PCDHGA1: variants seen among roughly 807,000 people sequenced by gnomAD.
The protein encoded by PCDHGA1 is protocadherin gamma subfamily A, 1, also known as protocadherin gamma-A1.
Under a neutral mutation model 58.0 loss-of-function variants are expected in PCDHGA1, and 32 were observed. That is an observed-to-expected ratio of 0.55 (90% CI 0.42 to 0.74). The LOEUF is 0.74. Among genes scored for constraint, PCDHGA1 ranks in the 30% least tolerant of loss-of-function variants. The probability of loss-of-function intolerance (pLI) is 0.00; values close to 1 mark genes in which losing one functional copy is unlikely to be tolerated. For missense variants in PCDHGA1, 1,205 were observed against 1,182.3 expected, an observed-to-expected ratio of 1.02 and a Z score of -0.28; for synonymous variants, 498 against 501.1, an observed-to-expected ratio of 0.99 and a Z score of 0.08.
chr5:141,485,174 A>G lies in PCDHGA1; in HGVS notation c.2422-9633A>G. 6.2e-7 allele frequency: 1 copy of G among 1,611,406 alleles called. No individual in the cohort carries two copies. The highest frequency in any genetic ancestry group is 8.5e-7 in the Non-Finnish European group (1 of 1,177,898). ...AGTAGAGAATTAGCGGGCGGCAGCA[A>G]TGCTCCGCAAGGTGAGAAGCTGGAC... On this transcript the variant is annotated intron_variant, in intron 1 of 3. Coordinates refer to ENST00000517417, the MANE Select transcript of PCDHGA1 (RefSeq NM_018912.3). The surrounding 1 kb of genome is among the most constrained non-coding windows in gnomAD (Gnocchi z 5.7).
At chr5:141,435,863 C>T (rs772361494) in intron 1 of PCDHGA1, among the ~76,000 whole-genome samples, 16 of 151,882 alleles carry the variant, frequency 1.1e-4, no homozygotes, top group Non-Finnish European at 2.2e-4. Context: ...TAGTTAAAAC[C>T]CAGAAAAGAG....
In PCDHGA1 at chr5:141,344,842, A is replaced by T. The variant is rs374930254; in HGVS notation, c.2421+11737A>T. The T allele has an allele frequency of 2.5e-6, 4 of 1,613,814 alleles. No homozygotes were observed. The African/African-American group carries it at 5.3e-5, about 22-fold the overall frequency. ...CTCACGGTGAATGCCACTGACCCTG[A>T]CGAGGGATTCAATGCTCAAGTGTCT... On this transcript the variant is annotated intron_variant, in intron 1 of 3. Transcript: ENST00000517417.
At chr5:141,412,434 A>C (rs2095556498) in intron 1 of PCDHGA1, 1 of 152,240 alleles carries the variant, frequency 6.6e-6, no homozygotes, top group Admixed American at 6.5e-5. Flanking sequence ...CAAAAAGGTT[A>C]ATTAAGGCTC....
At chr5:141,389,823 G>C in intron 1 of PCDHGA1, 11 of 1,613,944 alleles carry the variant, frequency 6.8e-6, no homozygotes, top group Non-Finnish European at 6.8e-6. Flanking sequence ...CGTGCGTGAC[G>C]GTGGACAGCC....
chr5:141,400,369 T>C (rs2150855153), intron 1 of PCDHGA1: 2 of 1,614,078 alleles, frequency 1.2e-6, no homozygotes, highest in Admixed American at 3.3e-5. Context: ...GCCTTATTCC[T>C]ACAACCTATG....
intron 1 of PCDHGA1, chr5:141,399,419 G>T (rs778389329): frequency 6.2e-7 from 1 of 1,614,000 alleles, no homozygotes; most frequent in Admixed American, 1.7e-5. Context: ...CTCTCCTCCA[G>T]CATAAGCGTC....
At chr5:141,414,313 T>C in intron 1 of PCDHGA1, 1 of 1,613,748 alleles carries the variant, frequency 6.2e-7, no homozygotes, top group Non-Finnish European at 8.5e-7. Context: ...TGATTTAGAC[T>C]CTGAGCAGAA....
chr5:141,388,958 C>G, intron 1 of PCDHGA1: 1 of 1,613,930 alleles, frequency 6.2e-7, no homozygotes, highest in Non-Finnish European at 8.5e-7. Context: ...TGGAGGACGC[C>G]GAGCTGGGAA....
At chr5:141,383,416 A>G in intron 1 of PCDHGA1, 1 of 1,613,856 alleles carries the variant, frequency 6.2e-7, no homozygotes, top group Non-Finnish European at 8.5e-7. Flanking sequence ...TTACCAGCTC[A>G]GCCCCAATCG....
intron 1 of PCDHGA1, chr5:141,413,001 G>A (rs2095597089): frequency 1.7e-6 from 1 of 592,790 alleles, no homozygotes; most frequent in Non-Finnish European, 2.8e-6. Flanking sequence ...CGGATTCTCA[G>A]GGCTTCAACT....
intron 1 of PCDHGA1, chr5:141,420,309 A>G (rs1263620304): frequency 2.7e-6 from 4 of 1,460,536 alleles, no homozygotes; most frequent in Non-Finnish European, 3.7e-6. Context: ...TCCTTTTTAT[A>G]TTACAATATG....
chr5:141,477,569 G>A lies in PCDHGA1; in HGVS notation c.2422-17238G>A. The A allele has an allele frequency of 6.2e-7, 1 of 1,614,104 alleles. No homozygotes were observed. Among genetic ancestry groups the A allele is most frequent in the Non-Finnish European group, 8.5e-7 (1 of 1,180,024 alleles). On this transcript the variant is annotated intron_variant, in intron 1 of 3. Coordinates refer to ENST00000517417, the MANE Select transcript of PCDHGA1 (RefSeq NM_018912.3). This position sits in a 1 kb window ranked among gnomAD's most constrained non-coding sequence, Gnocchi z 4.9. ...ACTAAACCTAAGTGTCTGGGACCCC[G>A]ACGCCCCGCAGAATGCTCGGCTTTC...
Position 141,428,007 on chromosome 5 carries a change from A to T in PCDHGA1, c.2422-66800A>T, listed in dbSNP as rs770851074. 9.4e-6 allele frequency: 15 copies of T among 1,602,018 alleles called. No individual in the cohort carries two copies. In the African/African-American group the frequency reaches 1.5e-4, roughly 16 times the overall value. ...GCCCGATGGCTCCGCACTCTTCGAT[A>T]TAGTGCCACGCGCCGCAGAGTCCGG... On this transcript the variant is annotated intron_variant, in intron 1 of 3. Coordinates refer to ENST00000517417, the MANE Select transcript of PCDHGA1 (RefSeq NM_018912.3).
chr5:141,341,071 C>G (rs1463478651), intron 1 of PCDHGA1: 1 of 1,614,178 alleles, frequency 6.2e-7, no homozygotes, highest in Non-Finnish European at 8.5e-7. Context: ...TGGCCGCGGT[C>G]TCCTGCGTCT....
At chr5:141,348,606 C>T (rs1758149424) in intron 1 of PCDHGA1, among the ~76,000 whole-genome samples, 1 of 152,114 alleles carries the variant, frequency 6.6e-6, no homozygotes, top group Non-Finnish European at 1.5e-5. Flanking sequence ...GTATGGAACC[C>T]ATACAATTCC....
chr5:141,509,346 G>A (rs946395640), intron 3 of PCDHGA1, among the ~76,000 whole-genome samples: 7 of 152,194 alleles, frequency 4.6e-5, no homozygotes, highest in Non-Finnish European at 8.8e-5. Flanking sequence ...GCCTGGGCTG[G>A]CCTGGGCATC....
intron 1 of PCDHGA1, chr5:141,366,048 C>A (rs777611384): frequency 1.2e-6 from 2 of 1,614,144 alleles, no homozygotes; most frequent in Non-Finnish European, 1.7e-6. Flanking sequence ...GACGGTTCCA[C>A]GGGCGTGGAG....
At chr5:141,383,449 A>C (rs1231609078) in intron 1 of PCDHGA1, 1 of 1,613,892 alleles carries the variant, frequency 6.2e-7, no homozygotes, top group South Asian at 1.1e-5. Context: ...GGCTGTGCAA[A>C]GTGGAGACGA....
At chr5:141,453,101 TTTTTGTTTTG>T (rs879618609) in intron 1 of PCDHGA1, among the ~76,000 whole-genome samples, 16 of 152,130 alleles carry the variant, frequency 1.1e-4, no homozygotes, top group Middle Eastern at 3.4e-3. Flanking sequence ...TTCTGTTGCT[TTTTTGTTTTG>T]TTTTGTTTTG....
Sources: gnomAD v4.1 joint callset for allele counts (sites outside exome capture counted in the v4.1 genomes callset) on GRCh38, gnomAD v4.1.1 for gene constraint, Gnocchi (gnomAD v3.1) non-coding constraint, MANE v1.5 for transcripts, NCBI Gene and HGNC (gene_info 2026-07-23, HGNC 2026-07-21) for gene names.